Variants in ZNF175 observed in about 807,000 individuals in gnomAD.
ZNF175 encodes zinc finger protein 175, also known as zinc finger protein OTK18.
A neutral mutation model predicts 14.0 loss-of-function variants in ZNF175; 8 were observed. That is an observed-to-expected ratio of 0.57 (90% CI 0.34 to 1.03). The LOEUF is 1.03. Among genes scored for constraint, ZNF175 ranks in the 50% least tolerant of loss-of-function variants. The pLI is 0.03. For synonymous variants in ZNF175, 255 were observed against 296.8 expected (o/e 0.86, Z 1.45); for missense variants, 764 against 849.5 (o/e 0.90, Z 1.25).
At chr19:51,584,141 C>T (rs1482535575) in intron 4 of ZNF175, among the ~76,000 whole-genome samples, 1 of 152,152 alleles carries the variant, frequency 6.6e-6, no homozygotes, top group African/African-American at 2.4e-5. Context: ...TCAATCATGT[C>T]TATTTCATGG....
In ZNF175 at chr19:51,589,565, C is replaced by G. The variant is rs773300292; in HGVS notation, c.*1098C>G. 3 of 702,056 alleles carry G rather than the reference C, an allele frequency of 4.3e-6. No homozygotes were observed. The South Asian group carries it at 4.4e-5, about 10-fold the overall frequency. The allele number at this position is 702,056 out of a possible 1,614,324, so 43.5% of individuals were successfully genotyped here. A position where few individuals can be genotyped will look rare whatever the true frequency, so the allele number is the denominator to read the frequency against. On this transcript the variant is annotated 3_prime_UTR_variant, in exon 5 of 5. Coordinates refer to ENST00000262259, the MANE Select transcript of ZNF175 (RefSeq NM_007147.4). ...TCTTTTAGGATTAGCTCAGCTTGCCCCCCCTTTCCATCTCCACCATCTATA... is the reference window on the plus strand; with the variant it reads ...TCTTTTAGGATTAGCTCAGCTTGCCGCCCCTTTCCATCTCCACCATCTATA...
At chr19:51,581,243 A>G in intron 2 of ZNF175, 148 bp from the exon 3 acceptor site, 1 of 1,044,234 alleles carries the variant, frequency 9.6e-7, no homozygotes, top group Non-Finnish European at 1.4e-6. Context: ...TTTTTTTTAA[A>G]TCCCTAAAAA....
intron 4 of ZNF175, among the ~76,000 whole-genome samples, chr19:51,584,818 A>G (rs1324971291): frequency 6.6e-6 from 1 of 152,182 alleles, no homozygotes; most frequent in East Asian, 1.9e-4. Flanking sequence ...GGCTACAATT[A>G]AAAAAACAGA....
Position 51,589,463 on chromosome 19 carries a change from C to T in ZNF175, c.*996C>T, listed in dbSNP as rs556594915. ...GATTAACTCCTTTATTATACATACA[C>T]ATGAATGTGCATTTTTGGTAAATGC... On this transcript the variant is annotated 3_prime_UTR_variant, in exon 5 of 5. Coordinates refer to ENST00000262259, the MANE Select transcript of ZNF175 (RefSeq NM_007147.4). The T allele has an allele frequency of 5.7e-4, 386 of 682,010 alleles. 3 individuals carry two copies. The African/African-American group carries it at 6.1e-3, about 11-fold the overall frequency. 42.2% of individuals were successfully genotyped at this position (682,010 alleles called of 1,614,324 possible).
rs1568576584 is a variant in ZNF175 at position 51,586,749 on chromosome 19, CT to C, written c.419del (p.Leu140ArgfsTer17). 6.2e-7 allele frequency: 1 copy of C among 1,614,088 alleles called. No homozygotes were observed. The part of the protein sequence containing the change: ...SWCSILEELR[L>X]DADRTKKDEQ... ...GTGTTCCATTTTAGAAGAACTGAGG[CT>C]GGATGCTGACCGCACAAAGAAAGAT... On this transcript the variant is annotated frameshift_variant, in exon 5 of 5. Transcript: ENST00000262259. LOFTEE classifies it low-confidence loss of function (END_TRUNC).
At chr19:51,582,371 T>G (rs1021709624) in intron 4 of ZNF175, among the ~76,000 whole-genome samples, 1 of 152,072 alleles carries the variant, frequency 6.6e-6, no homozygotes, top group Non-Finnish European at 1.5e-5. Context: ...GATCTTGGCT[T>G]ACTGCAACCT....
Position 51,591,016 on chromosome 19 carries a change from G to T in ZNF175, c.*2549G>T, listed in dbSNP as rs77903506. ...CCTGTTCCTAAGCATCACCTGGGGG[G>T]ATCACTCTGGGTCCTCATCTCCAGC... On this transcript the variant is annotated 3_prime_UTR_variant, in exon 5 of 5. Coordinates refer to ENST00000262259, the MANE Select transcript of ZNF175 (RefSeq NM_007147.4). 7.0e-6 allele frequency: 1 copy of T among 143,588 alleles called. No homozygotes were observed. The highest frequency in any genetic ancestry group is 2.3e-4 in the East Asian group (1 of 4,274). 8.9% of individuals were successfully genotyped at this position (143,588 alleles called of 1,614,324 possible).
At chr19:51,580,455 T>G (rs1020653417) in intron 2 of ZNF175, among the ~76,000 whole-genome samples, 1 of 152,228 alleles carries the variant, frequency 6.6e-6, no homozygotes, top group Non-Finnish European at 1.5e-5. Context: ...CATTTTTGTT[T>G]TGTCCTTCAG....
In ZNF175 at chr19:51,591,588, T is replaced by A. The variant is rs1201094076; in HGVS notation, c.*3121T>A. The A allele has an allele frequency of 6.6e-6, 1 of 152,166 alleles. No homozygotes were observed. Among genetic ancestry groups the A allele is most frequent in the Non-Finnish European group, 1.5e-5 (1 of 68,036 alleles). The allele number at this position is 152,166 out of a possible 1,614,324, so 9.4% of individuals were successfully genotyped here. Reference sequence around the variant, plus strand: ...TAACTCGTTTATTCCTCACAGCCATTGTAGGAAATAATCTAACCTCATAAA... The same window carrying A: ...TAACTCGTTTATTCCTCACAGCCATAGTAGGAAATAATCTAACCTCATAAA... On this transcript the variant is annotated 3_prime_UTR_variant, in exon 5 of 5. Coordinates refer to ENST00000262259, the MANE Select transcript of ZNF175 (RefSeq NM_007147.4).
At chr19:51,581,942 C>G in intron 4 of ZNF175, 60 bp downstream of exon 4, 1 of 1,492,118 alleles carries the variant, frequency 6.7e-7, no homozygotes, top group Non-Finnish European at 9.2e-7. Flanking sequence ...TACCAGTCTA[C>G]CATACTTTTC....
chr19:51,581,845 T>A lies in ZNF175; in HGVS notation c.258T>A (p.Arg86=). ...IFRMLKEKEP[R]VEEAEVSHQR... ...GAATGCTAAAAGAAAAGGAGCCGCGTGTGGAGGAGGCTGAAGTCTCACATC... is the reference window on the plus strand; with the variant it reads ...GAATGCTAAAAGAAAAGGAGCCGCGAGTGGAGGAGGCTGAAGTCTCACATC... Residue 86 remains arginine, a synonymous_variant, in exon 4 of 5, where the codon CGT becomes CGA. Transcript: ENST00000262259. The A allele has an allele frequency of 6.2e-7, 1 of 1,613,840 alleles. No individual in the cohort carries two copies. Among genetic ancestry groups the A allele is most frequent in the Non-Finnish European group, 8.5e-7 (1 of 1,179,832 alleles).
Position 51,583,001 on chromosome 19 carries a change from A to C in ZNF175, c.295+1119A>C, listed in dbSNP as rs558392744. ...CTCCCAAGTAGCTGTGATTACAGGC[A>C]TGCACCACCATGCCCGGCTAATTTT... On this transcript the variant is annotated intron_variant, in intron 4 of 4. Coordinates refer to ENST00000262259, the MANE Select transcript of ZNF175 (RefSeq NM_007147.4). 2.0e-5 allele frequency among the ~76,000 whole-genome samples: 3 copies of C among 152,224 alleles called. No individual in the cohort carries two copies. The East Asian group carries it at 5.8e-4, about 30-fold the overall frequency.
At chr19:51,573,696 A>G (rs1981673164) in intron 2 of ZNF175, 1 of 450,984 alleles carries the variant, frequency 2.2e-6, no homozygotes, top group East Asian at 3.6e-5. Flanking sequence ...CCTGCTAAGC[A>G]CTGGTTCTGC....
intron 1 of ZNF175, 76 bp downstream of exon 1, chr19:51,571,551 G>T (rs550474449): frequency 6.6e-6 from 1 of 152,290 alleles, no homozygotes; most frequent in Non-Finnish European, 1.5e-5. Context: ...GGTAAGTGGC[G>T]TTTGCTAATT....
At chr19:51,582,478 T>C (rs1233124916) in intron 4 of ZNF175, among the ~76,000 whole-genome samples, 1 of 152,146 alleles carries the variant, frequency 6.6e-6, no homozygotes, top group Non-Finnish European at 1.5e-5. Flanking sequence ...TTTGTATTTT[T>C]AGTAGAGACA....
rs201671937 is a variant in ZNF175 at position 51,587,275 on chromosome 19, C to G, written c.944C>G (p.Ala315Gly). Residue 315 changes from alanine to glycine, a missense_variant, in exon 5 of 5, where the codon GCC (alanine) becomes GGC (glycine). Transcript: ENST00000262259. ...NLHECGKCGK[A>G]FMPQLKLSVY... Reference sequence around the variant, plus strand: ...CATGAATGTGGCAAATGTGGAAAAGCCTTCATGCCACAACTAAAACTCAGT... The same window carrying G: ...CATGAATGTGGCAAATGTGGAAAAGGCTTCATGCCACAACTAAAACTCAGT... 1 of 1,613,992 alleles carries G rather than the reference C, an allele frequency of 6.2e-7. No individual in the cohort carries two copies. Among genetic ancestry groups the G allele is most frequent in the African/African-American group, 1.3e-5 (1 of 74,866 alleles).
intron 2 of ZNF175, 173 bp downstream of exon 2, chr19:51,573,574 A>G: frequency 1.6e-6 from 1 of 612,462 alleles, no homozygotes; most frequent in South Asian, 2.2e-5. Context: ...GAAACCATGA[A>G]CTGGCTGATA....
In ZNF175 at chr19:51,576,983, A is replaced by T. The variant is rs77013962; in HGVS notation, c.72+3582A>T. On this transcript the variant is annotated intron_variant, in intron 2 of 4. Coordinates refer to ENST00000262259, the MANE Select transcript of ZNF175 (RefSeq NM_007147.4). Reference sequence around the variant, plus strand: ...ACTTGACCCAGGAGGTTGAGGCTGCAGTGAGCTGTGATGGCACCACTGCAC... The same window carrying T: ...ACTTGACCCAGGAGGTTGAGGCTGCTGTGAGCTGTGATGGCACCACTGCAC... Among the ~76,000 whole-genome samples, 400 of 152,278 alleles carry T rather than the reference A, an allele frequency of 2.6e-3. 16 individuals are homozygous for T. The East Asian group carries it at 0.046, about 18-fold the overall frequency.
In ZNF175 at chr19:51,577,666, T is replaced by TC. The variant is rs1981835618; in HGVS notation, c.73-3725_73-3724insC. ...TACAAAATACTCCTTTCTCTCTCTT[T>TC]TTTTTTTTTTTTTTTGAGATGGAGT... On this transcript the variant is annotated intron_variant, in intron 2 of 4. Transcript: ENST00000262259. Among the ~76,000 whole-genome samples, 6 of 147,940 alleles carry TC rather than the reference T, an allele frequency of 4.1e-5. No individual in the cohort carries two copies. The South Asian group carries it at 1.3e-3, about 32-fold the overall frequency.
Sources: allele counts gnomAD v4.1 joint callset (sites outside exome capture counted in the v4.1 genomes callset), GRCh38; gene constraint gnomAD v4.1.1; transcripts MANE v1.5; gene names NCBI Gene and HGNC (gene_info 2026-07-23, HGNC 2026-07-21).